Variants in C1QTNF3 observed in about 807,000 individuals in gnomAD.
The protein encoded by C1QTNF3 is C1q and TNF related 3, also known as complement C1q tumor necrosis factor-related protein 3.
C1QTNF3 carries 26 observed loss-of-function variants against 32.6 expected under a neutral mutation model. That is an observed-to-expected ratio of 0.80 (90% CI 0.58 to 1.11). C1QTNF3 has a LOEUF of 1.11. C1QTNF3 is among the 50% of genes least tolerant of loss of function. The pLI, the probability that C1QTNF3 is intolerant of heterozygous loss-of-function variation, is 0.00. For missense variants in C1QTNF3, 362 were observed against 398.2 expected (o/e 0.91, Z 0.77); for synonymous variants, 155 against 146.0 (o/e 1.06, Z -0.44).
At chr5:34,159,842 A>AT in the C1QTNF3 span, among the ~76,000 whole-genome samples, 1 of 151,980 alleles carries the variant, frequency 6.6e-6, no homozygotes, top group African/African-American at 2.4e-5. Flanking sequence ...TTAAAAAAAA[A>AT]AACCGGAAGT....
the C1QTNF3 span, among the ~76,000 whole-genome samples, chr5:34,140,070 AC>A: frequency 6.6e-6 from 1 of 152,204 alleles, no homozygotes; most frequent in African/African-American, 2.4e-5. Flanking sequence ...GCACACTGTC[AC>A]AATGGAAGCT....
chr5:34,203,983 A>C, the C1QTNF3 span, among the ~76,000 whole-genome samples: 1 of 152,142 alleles, frequency 6.6e-6, no homozygotes, highest in Non-Finnish European at 1.5e-5. Context: ...ACAATTCTAA[A>C]CACATATGCA....
At chr5:34,223,490 G>A in the C1QTNF3 span, among the ~76,000 whole-genome samples, 2 of 150,654 alleles carry the variant, frequency 1.3e-5, no homozygotes, top group Non-Finnish European at 2.9e-5. Context: ...ACGTGTGCAT[G>A]TGTCTTTATA....
At chr5:34,116,169 A>T in the C1QTNF3 span, among the ~76,000 whole-genome samples, 1 of 152,178 alleles carries the variant, frequency 6.6e-6, no homozygotes, top group Non-Finnish European at 1.5e-5. Flanking sequence ...GCATATTTGT[A>T]AATTTCTCAA....
intron 1 of C1QTNF3, among the ~76,000 whole-genome samples, chr5:34,039,693 G>A (rs542107133): frequency 4.6e-5 from 7 of 152,186 alleles, no homozygotes; most frequent in Admixed American, 4.6e-4. Context: ...AATCTTCAGA[G>A]GATGAAACAA....
intron 5 of C1QTNF3, among the ~76,000 whole-genome samples, chr5:34,023,468 A>G (rs1400850308): frequency 6.6e-6 from 1 of 152,212 alleles, no homozygotes; most frequent in East Asian, 1.9e-4. Context: ...CAAAAATAAC[A>G]GGGAAATGAT....
the C1QTNF3 span, among the ~76,000 whole-genome samples, chr5:34,171,940 G>A: frequency 6.6e-6 from 1 of 152,078 alleles, no homozygotes; most frequent in Non-Finnish European, 1.5e-5. Context: ...ATTCAACCAA[G>A]TATACAGCAC....
At chr5:34,054,492 T>C in the C1QTNF3 span, among the ~76,000 whole-genome samples, 4 of 152,202 alleles carry the variant, frequency 2.6e-5, no homozygotes, top group South Asian at 8.3e-4. Flanking sequence ...CAAGCTGCCA[T>C]GAACAGTTCA....
At chr5:34,207,035 C>G in the C1QTNF3 span, among the ~76,000 whole-genome samples, 1 of 152,130 alleles carries the variant, frequency 6.6e-6, no homozygotes, top group South Asian at 2.1e-4. Flanking sequence ...ATGCCAGGGA[C>G]AATGTCTCTC....
At chr5:34,161,279 G>T in the C1QTNF3 span, among the ~76,000 whole-genome samples, 1 of 152,098 alleles carries the variant, frequency 6.6e-6, no homozygotes, top group African/African-American at 2.4e-5. Flanking sequence ...ATGAAATACA[G>T]TTTATGTAGC....
At chr5:34,173,977 G>C in the C1QTNF3 span, among the ~76,000 whole-genome samples, 1 of 152,236 alleles carries the variant, frequency 6.6e-6, no homozygotes, top group East Asian at 1.9e-4. Context: ...GTGGCTCTTA[G>C]TTGATCATGG....
At position 34,019,806 on chromosome 5, in the gene C1QTNF3, G is replaced by A. The variant is rs1402737561; in HGVS notation, c.*777C>T. 1 of 152,138 alleles carries A rather than the reference G, an allele frequency of 6.6e-6. No homozygotes were observed. Among genetic ancestry groups the A allele is most frequent in the Non-Finnish European group, 1.5e-5 (1 of 68,032 alleles). The allele number at this position is 152,138 out of a possible 1,614,324, so 9.4% of individuals were successfully genotyped here. On this transcript the variant is annotated 3_prime_UTR_variant, in exon 6 of 6. Coordinates refer to ENST00000382065, the MANE Select transcript of C1QTNF3 (RefSeq NM_181435.6). ...TTTCTCTAAGGTATTTATTAATAGTGTATGTTCTTCAGATATAAAATCCCT... is the reference window on the plus strand; with the variant it reads ...TTTCTCTAAGGTATTTATTAATAGTATATGTTCTTCAGATATAAAATCCCT...
the C1QTNF3 span, among the ~76,000 whole-genome samples, chr5:34,159,488 C>A: frequency 1.8e-4 from 27 of 152,088 alleles, no homozygotes; most frequent in Middle Eastern, 3.4e-3. Context: ...CAAGGTTGTA[C>A]AATTAATTCT....
chr5:34,052,390 C>T, the C1QTNF3 span, among the ~76,000 whole-genome samples: 174 of 152,268 alleles, frequency 1.1e-3, no homozygotes, highest in South Asian at 4.6e-3. Context: ...TATACCATAA[C>T]GAGATCTTTA....
At chr5:34,187,387 CAG>C in the C1QTNF3 span, among the ~76,000 whole-genome samples, 14 of 152,056 alleles carry the variant, frequency 9.2e-5, no homozygotes, top group African/African-American at 3.2e-4. Context: ...AAATGGGTAA[CAG>C]GGAGAGGCTG....
At chr5:34,093,937 C>T in the C1QTNF3 span, among the ~76,000 whole-genome samples, 1 of 152,128 alleles carries the variant, frequency 6.6e-6, no homozygotes, top group Non-Finnish European at 1.5e-5. Flanking sequence ...AACTTCCTAC[C>T]TGGCTCACTC....
At chr5:34,127,569 G>A in the C1QTNF3 span, among the ~76,000 whole-genome samples, 1 of 151,600 alleles carries the variant, frequency 6.6e-6, no homozygotes, top group African/African-American at 2.4e-5. Flanking sequence ...ATTTGACCTG[G>A]TGGTTTCTTT....
chr5:34,209,729 T>C, the C1QTNF3 span, among the ~76,000 whole-genome samples: 5 of 152,090 alleles, frequency 3.3e-5, no homozygotes, highest in African/African-American at 1.2e-4. Flanking sequence ...CCGGATCATA[T>C]ATATAGTTTT....
At chr5:34,080,299 G>A in the C1QTNF3 span, among the ~76,000 whole-genome samples, 3 of 151,632 alleles carry the variant, frequency 2.0e-5, 1 homozygote, top group African/African-American at 7.3e-5. Flanking sequence ...TTCATTATTA[G>A]GATCTCAGGA....
Sources: gnomAD v4.1 joint callset for allele counts (sites outside exome capture counted in the v4.1 genomes callset) on GRCh38, gnomAD v4.1.1 for gene constraint, MANE v1.5 for transcripts, NCBI Gene and HGNC (gene_info 2026-07-23, HGNC 2026-07-21) for gene names.